PLA2G4B: variants seen among roughly 807,000 people sequenced by gnomAD.
PLA2G4B encodes the protein cytosolic phospholipase A2 beta.
PLA2G4B carries 122 observed loss-of-function variants against 95.8 expected under a neutral mutation model. The observed-to-expected ratio is 1.27, with a 90% confidence interval of 1.10 to 1.48. PLA2G4B has a LOEUF of 1.48. Ranked by LOEUF, PLA2G4B falls within the 40% of genes most tolerant of loss-of-function variation. The pLI is 0.00. For missense variants in PLA2G4B, 1,158 were observed against 996.2 expected (o/e 1.16, Z -2.19); for synonymous variants, 518 against 421.5 (o/e 1.23, Z -2.80).
At chr15:41,845,374 A>C (rs1488765385) in intron 14 of PLA2G4B, 54 bp downstream of exon 14, 1 of 1,590,376 alleles carries the variant, frequency 6.3e-7, no homozygotes, top group Non-Finnish European at 8.6e-7. Context: ...GAATAAGGGG[A>C]GAACGAGGAC....
chr15:41,848,134 C>G lies in PLA2G4B; in HGVS notation c.*274C>G, dbSNP rs1246708441. ...GTTGGAGCACTTGATACATCACAGA[C>G]TCATACAAATGTGAGGCGCTGAGAC... On this transcript the variant is annotated 3_prime_UTR_variant, in exon 20 of 20. Transcript: ENST00000458483. 1.8e-6 allele frequency: 1 copy of G among 570,388 alleles called. No homozygotes were observed. The highest frequency in any genetic ancestry group is 3.1e-6 in the Non-Finnish European group (1 of 319,840). 35.3% of individuals were successfully genotyped at this position (570,388 alleles called of 1,614,324 possible). A position where few individuals can be genotyped will look rare whatever the true frequency, so the allele number is the denominator to read the frequency against.
chr15:41,844,441 C>G, intron 11 of PLA2G4B, 30 bp from the exon 12 acceptor site: 3 of 1,613,982 alleles, frequency 1.9e-6, no homozygotes, highest in Non-Finnish European at 2.5e-6. Context: ...TCCCTAGGGC[C>G]TCTACAGGCC....
chr15:41,842,428 GCTT>G (rs1467784273), intron 9 of PLA2G4B, 123 bp from the exon 10 acceptor site: 4 of 1,556,928 alleles, frequency 2.6e-6, no homozygotes, highest in Non-Finnish European at 3.5e-6. Context: ...GAGCATCCCT[GCTT>G]CAGGCCTGGC....
chr15:41,839,803 C>G (rs1005288202), intron 1 of PLA2G4B: 3 of 251,370 alleles, frequency 1.2e-5, no homozygotes, highest in Non-Finnish European at 2.3e-5. Flanking sequence ...GCCAGCCTGC[C>G]CGGGCTCCAA....
intron 10 of PLA2G4B, chr15:41,842,853 G>T (rs1043350830): frequency 1.5e-5 from 7 of 475,472 alleles, no homozygotes; most frequent in East Asian, 3.9e-5. Flanking sequence ...GCTGGAAAAC[G>T]CAGGGAGGCA....
intron 18 of PLA2G4B, among the ~76,000 whole-genome samples, chr15:41,847,048 C>T (rs1381215294): frequency 5.9e-5 from 9 of 152,112 alleles, no homozygotes; most frequent in South Asian, 2.1e-4. Flanking sequence ...GTCCCCTTTA[C>T]TGACCTGCGA....
At chr15:41,846,131 C>T (rs745939939) in intron 16 of PLA2G4B, 72 bp from the exon 17 acceptor site, 13 of 1,584,244 alleles carry the variant, frequency 8.2e-6, no homozygotes, top group African/African-American at 2.7e-5. Flanking sequence ...ACACCTCTTC[C>T]CCCTCCAGGG....
chr15:41,840,494 C>G (rs376430457), intron 2 of PLA2G4B, 30 bp from the exon 3 acceptor site: 26 of 1,612,914 alleles, frequency 1.6e-5, no homozygotes, highest in Non-Finnish European at 2.2e-5. Flanking sequence ...GGGCTCTTGT[C>G]CACCGCTGGG....
rs2065581166 is a variant in PLA2G4B at position 41,847,353 on chromosome 15, G to C, written c.1964G>C (p.Gly655Ala). ...GCCCTGCAGCAGTTGCAGCTCCTGGGCCGGTTCTGCCAGGAGCAGGGGATC... is the reference window on the plus strand; with the variant it reads ...GCCCTGCAGCAGTTGCAGCTCCTGGCCCGGTTCTGCCAGGAGCAGGGGATC... ...HGAFQQLQLL[G>A]RFCQEQGIPF... The change falls in exon 19 of 20, where the codon GGC becomes GCC. Residue 655 changes from glycine to alanine, a missense_variant. By Grantham distance (60) the Gly-to-Ala change is moderately conservative. Transcript: ENST00000458483. 6.2e-7 allele frequency: 1 copy of C among 1,605,586 alleles called. No homozygotes were observed. Among genetic ancestry groups the C allele is most frequent in the African/African-American group, 1.3e-5 (1 of 74,904 alleles).
Position 41,839,030 on chromosome 15 carries a change from G to A in PLA2G4B, c.9+108G>A, listed in dbSNP as rs547356460. 7 of 940,642 alleles carry A rather than the reference G, an allele frequency of 7.4e-6. No homozygotes were observed. The South Asian group carries it at 9.7e-5, about 13-fold the overall frequency. The allele number at this position is 940,642 out of a possible 1,614,324, so 58.3% of individuals were successfully genotyped here. ...TGTGGTCTTCTCCAGGGGTAGGGAGGGGAGTTTATTGACCACAAGACCAGG... is the reference window on the plus strand; with the variant it reads ...TGTGGTCTTCTCCAGGGGTAGGGAGAGGAGTTTATTGACCACAAGACCAGG... On this transcript the variant is annotated intron_variant, in intron 1 of 19. Coordinates refer to ENST00000458483, the MANE Select transcript of PLA2G4B (RefSeq NM_001114633.2).
At position 41,841,564 on chromosome 15, in the gene PLA2G4B, C is replaced by T. The variant is rs373118700; in HGVS notation, c.483C>T (p.Asp161=). The part of the protein sequence containing the change: ...CLHVQLEETG[D]QKSSEHRVQL... Reference sequence around the variant, plus strand: ...ACGTTCAACTGGAGGAGACAGGAGACCAGAAGTGTGAGTCCCCAACCCACT... The same window carrying T: ...ACGTTCAACTGGAGGAGACAGGAGATCAGAAGTGTGAGTCCCCAACCCACT... The change falls in exon 7 of 20, where the codon GAC becomes GAT. Residue 161 remains aspartate (D), a synonymous_variant. Transcript: ENST00000458483. The T allele has an allele frequency of 3.7e-6, 6 of 1,613,872 alleles. No individual in the cohort carries two copies. In the African/African-American group the frequency reaches 8.0e-5, roughly 22 times the overall value.
In PLA2G4B at chr15:41,839,859, G is replaced by C. The variant is rs570575847; in HGVS notation, c.10-299G>C. On this transcript the variant is annotated intron_variant, in intron 1 of 19. Transcript: ENST00000458483. ...CAAGTGACTGCTTCTCTGTGCCTCA[G>C]TTTCCTTGTGGAGTGGGCCATCGTA... 3 of 353,468 alleles carry C rather than the reference G, an allele frequency of 8.5e-6. No individual in the cohort carries two copies. In the South Asian group the frequency reaches 1.6e-4, roughly 19 times the overall value. The allele number at this position is 353,468 out of a possible 1,614,324, so 21.9% of individuals were successfully genotyped here.
At chr15:41,839,993 T>G in intron 1 of PLA2G4B, 165 bp from the exon 2 acceptor site, 4 of 767,610 alleles carry the variant, frequency 5.2e-6, no homozygotes, top group Non-Finnish European at 4.1e-6. Flanking sequence ...GGCGTCATGA[T>G]GGAGATATCA....
rs766790715 is a variant in PLA2G4B at position 41,841,952 on chromosome 15, AG to A, written c.621+4del. 1.2e-6 allele frequency: 2 copies of A among 1,610,014 alleles called. No homozygotes were observed. Among genetic ancestry groups the A allele is most frequent in the Non-Finnish European group, 1.7e-6 (2 of 1,178,992 alleles). ...AGGAGCTGAGTATTCGCCTGCAGGTAGTGTGCCTCGCTCCCTCGAGGTGGGG... is the reference window on the plus strand; with the variant it reads ...AGGAGCTGAGTATTCGCCTGCAGGTATGTGCCTCGCTCCCTCGAGGTGGGG... On this transcript the variant is annotated splice_donor_region_variant and intron_variant, in intron 8 of 19. Transcript: ENST00000458483.
Position 41,846,729 on chromosome 15 carries a change from T to G in PLA2G4B, c.1841T>G (p.Leu614Arg). 1.9e-6 allele frequency: 3 copies of G among 1,613,986 alleles called. No individual in the cohort carries two copies. Among genetic ancestry groups the G allele is most frequent in the Non-Finnish European group, 2.5e-6 (3 of 1,179,944 alleles). The change falls in exon 18 of 20, where the codon CTG becomes CGG. Residue 614 changes from leucine to arginine, a missense_variant. Leu to Arg is a moderately radical substitution (Grantham distance 102). Transcript: ENST00000458483. ...LTPSEPHLCLLDVGYLINTSC... is the reference protein window; with the variant it reads ...LTPSEPHLCLRDVGYLINTSC... The stretch of plus-strand genomic sequence containing the variant: ...CCCTCGGAGCCCCACCTGTGCCTGC[T>G]GGATGTTGGCTACCTCATCAATACC...
chr15:41,840,127 G>T (rs75341740), intron 1 of PLA2G4B, 31 bp from the exon 2 acceptor site: 3 of 1,608,960 alleles, frequency 1.9e-6, no homozygotes, highest in Non-Finnish European at 2.5e-6. Flanking sequence ...TCATCGGCCC[G>T]TAGCAGGTCT....
In PLA2G4B at chr15:41,847,418, C is replaced by T. The variant is rs866225649; in HGVS notation, c.2029C>T (p.Gln677Ter). The T allele has an allele frequency of 6.2e-7, 1 of 1,613,422 alleles. No individual in the cohort carries two copies. The highest frequency in any genetic ancestry group is 8.5e-7 in the Non-Finnish European group (1 of 1,179,942). ...CTCGCCCAGCCCCGAAGAGCAGCTC[C>T]AGCCTCGGGAGTGCCACACCTTCTC... is the stretch of plus-strand genomic sequence containing the variant. ...PISPSPEEQLQPRECHTFSDP... is the reference protein window; with the variant it reads ...PISPSPEEQL Residue 677 changes from glutamine to a stop codon, truncating the protein, a stop_gained, in exon 19 of 20, where the codon CAG (glutamine) becomes TAG (stop). Transcript: ENST00000458483. LOFTEE classifies it high-confidence loss of function.
chr15:41,846,500 G>A, intron 17 of PLA2G4B, 118 bp downstream of exon 17: 3 of 1,505,036 alleles, frequency 2.0e-6, no homozygotes, highest in Middle Eastern at 1.8e-4. Flanking sequence ...TGGACTACTT[G>A]GAACAGGGGT....
At chr15:41,841,990 TCCTC>T in intron 8 of PLA2G4B, 41 bp downstream of exon 8, 1 of 1,591,480 alleles carries the variant, frequency 6.3e-7, no homozygotes. Context: ...CCCCAGAACT[TCCTC>T]CCTCCCTCTG....
Sources: gnomAD v4.1 joint callset for allele counts (sites outside exome capture counted in the v4.1 genomes callset) on GRCh38, gnomAD v4.1.1 for gene constraint, MANE v1.5 for transcripts, NCBI Gene and HGNC (gene_info 2026-07-23, HGNC 2026-07-21) for gene names.